PIWIL1: variants seen among roughly 807,000 people sequenced by gnomAD.
The protein encoded by PIWIL1 is piwi like RNA-mediated gene silencing 1.
Under a neutral mutation model 114.4 loss-of-function variants are expected in PIWIL1, and 73 were observed. The ratio of observed to expected loss-of-function variants is 0.64; its 90% CI spans 0.53 to 0.78. The LOEUF (loss-of-function observed/expected upper bound fraction) is 0.78, where lower values mean the gene tolerates loss of function less well. PIWIL1 is among the 30% of genes least tolerant of loss of function. PIWIL1 has a pLI of 0.00. For synonymous variants in PIWIL1, 375 were observed against 369.0 expected (o/e 1.02, Z -0.19); for missense variants, 723 against 1,063.1 (o/e 0.68, Z 4.45).
the PIWIL1 span, among the ~76,000 whole-genome samples, chr12:130,392,196 C>CAT: frequency 2.0e-3 from 25 of 12,802 alleles, no homozygotes; most frequent in East Asian, 8.1e-3. Flanking sequence ...ACCGTCATCA[C>CAT]GTGGATGCAT....
chr12:130,343,019 G>T lies in PIWIL1; in HGVS notation c.108G>T (p.Arg36Ser), dbSNP rs2072968171. Residue 36 changes from arginine to serine, a missense_variant, in exon 3 of 21, where the codon AGG (arginine) becomes AGT (serine). By Grantham distance (110) the Arg-to-Ser change is moderately radical. This residue lies in a region of PIWIL1 where 91 missense variants were observed against 76.2 expected (regional missense o/e 1.19). Transcript: ENST00000245255. ...AGCAACCTGGTTATATTCAGCCTAG[G>T]CCTCAGCCGCCACCAGCAGAGGGGG... ...ASQQPGYIQP[R>S]PQPPPAEGEL... The T allele has an allele frequency of 6.2e-7, 1 of 1,613,952 alleles. No homozygotes were observed. Among genetic ancestry groups the T allele is most frequent in the South Asian group, 1.1e-5 (1 of 91,082 alleles).
the PIWIL1 span, among the ~76,000 whole-genome samples, chr12:130,393,730 A>T: frequency 6.6e-6 from 1 of 152,196 alleles, no homozygotes. Flanking sequence ...CCTTGCCTAG[A>T]TATCTCTTTT....
the PIWIL1 span, among the ~76,000 whole-genome samples, chr12:130,423,846 C>T: frequency 6.6e-6 from 1 of 152,112 alleles, no homozygotes; most frequent in Non-Finnish European, 1.5e-5. Flanking sequence ...GATAATCACA[C>T]TTCAGCTAAC....
At chr12:130,376,541 CTG>C (rs1161508645), downstream of PIWIL1, among the ~76,000 whole-genome samples, 1 of 152,214 alleles carries the variant, frequency 6.6e-6, no homozygotes, top group Non-Finnish European at 1.5e-5. Flanking sequence ...CAAAGTTAAA[CTG>C]TGATTTCTTG....
chr12:130,386,285 T>C, the PIWIL1 span, among the ~76,000 whole-genome samples: 1 of 152,128 alleles, frequency 6.6e-6, no homozygotes, highest in Non-Finnish European at 1.5e-5. Context: ...ATCTTTTATT[T>C]TCCTTATTAA....
At chr12:130,373,418 T>C (rs929685946), downstream of PIWIL1, among the ~76,000 whole-genome samples, 1 of 152,138 alleles carries the variant, frequency 6.6e-6, no homozygotes, top group Non-Finnish European at 1.5e-5. Context: ...TTGGTAAATG[T>C]GATAATTGTG....
the PIWIL1 span, among the ~76,000 whole-genome samples, chr12:130,417,201 T>C: frequency 2.0e-5 from 3 of 152,298 alleles, no homozygotes; most frequent in East Asian, 1.9e-4. Context: ...TTGGAGAACT[T>C]AGAACTACCA....
At chr12:130,421,797 C>T in the PIWIL1 span, among the ~76,000 whole-genome samples, 1 of 151,892 alleles carries the variant, frequency 6.6e-6, no homozygotes, top group Admixed American at 6.6e-5. Context: ...TTTTGGAATT[C>T]TCCTTGCCAT....
chr12:130,354,152 A>C (rs948768915), intron 9 of PIWIL1, among the ~76,000 whole-genome samples: 8 of 152,090 alleles, frequency 5.3e-5, no homozygotes, highest in African/African-American at 1.9e-4. Context: ...TTTATTAGTA[A>C]GTTCTCTCAG....
chr12:130,402,256 G>A, the PIWIL1 span, among the ~76,000 whole-genome samples: 1 of 152,154 alleles, frequency 6.6e-6, no homozygotes, highest in African/African-American at 2.4e-5. Flanking sequence ...CACCCCTCAA[G>A]CTCAAGAGTT....
intron 19 of PIWIL1, among the ~76,000 whole-genome samples, chr12:130,369,091 T>C (rs975269025): frequency 2.6e-5 from 4 of 152,126 alleles, no homozygotes; most frequent in African/African-American, 9.7e-5. Context: ...GTCATTCTCC[T>C]CCATGTTCAT....
At chr12:130,365,837 A>G (rs2073640562) in intron 18 of PIWIL1, among the ~76,000 whole-genome samples, 1 of 152,236 alleles carries the variant, frequency 6.6e-6, no homozygotes. Context: ...TGTAAGTGGC[A>G]GAGGCATTTG....
intron 19 of PIWIL1, 124 bp downstream of exon 19, chr12:130,367,382 A>AT: frequency 1.0e-6 from 1 of 960,378 alleles, no homozygotes. Context: ...ATAAACATTA[A>AT]TTTTTTCAAC....
chr12:130,424,945 A>C, the PIWIL1 span: 16 of 723,600 alleles, frequency 2.2e-5, no homozygotes, highest in Non-Finnish European at 2.6e-5. The surrounding 1 kb of genome is among the most constrained non-coding windows in gnomAD (Gnocchi z 9.8). Context: ...GAAAATACAG[A>C]CAGAATTAGT....
At chr12:130,385,711 G>T in the PIWIL1 span, among the ~76,000 whole-genome samples, 2 of 152,068 alleles carry the variant, frequency 1.3e-5, no homozygotes, top group Non-Finnish European at 2.9e-5. Flanking sequence ...AGATTTTAAG[G>T]CAAAACAGAC....
rs1026065013 is a variant in PIWIL1 at position 130,337,902 on chromosome 12, G to A, written c.-257G>A. ...GCTTTCCGCCGTTACTGGGCGTATG[G>A]CGTACAGACACGAGGCCGGCGCCCG... On this transcript the variant is annotated 5_prime_UTR_variant, in exon 1 of 21. Coordinates refer to ENST00000245255, the MANE Select transcript of PIWIL1 (RefSeq NM_004764.5). 2 of 159,062 alleles carry A rather than the reference G, an allele frequency of 1.3e-5. No homozygotes were observed. The highest frequency in any genetic ancestry group is 2.4e-5 in the African/African-American group (1 of 41,486). 9.9% of individuals were successfully genotyped at this position (159,062 alleles called of 1,614,324 possible). A position where few individuals can be genotyped will look rare whatever the true frequency, so the allele number is the denominator to read the frequency against.
At chr12:130,350,171 C>T (rs1397774489) in intron 9 of PIWIL1, among the ~76,000 whole-genome samples, 2 of 152,050 alleles carry the variant, frequency 1.3e-5, no homozygotes, top group Non-Finnish European at 2.9e-5. Flanking sequence ...TGAGAAATGC[C>T]CTCTCCTGGT....
chr12:130,381,958 G>A, the PIWIL1 span, among the ~76,000 whole-genome samples: 1 of 152,154 alleles, frequency 6.6e-6, no homozygotes, highest in African/African-American at 2.4e-5. Flanking sequence ...TCTGTGCTAA[G>A]GTACCTGTTA....
At chr12:130,367,594 G>T (rs2073696472) in intron 19 of PIWIL1, among the ~76,000 whole-genome samples, 1 of 152,190 alleles carries the variant, frequency 6.6e-6, no homozygotes, top group East Asian at 1.9e-4. Flanking sequence ...CTAGTAAAAA[G>T]TGTTTAGATT....
Sources: gnomAD v4.1 joint callset for allele counts (sites outside exome capture counted in the v4.1 genomes callset) on GRCh38, gnomAD v4.1.1 for gene constraint, gnomAD v4.1.1 regional missense constraint, Gnocchi (gnomAD v3.1) non-coding constraint, MANE v1.5 for transcripts, NCBI Gene and HGNC (gene_info 2026-07-23, HGNC 2026-07-21) for gene names.